The following CLMP variants were observed in gnomAD, a reference collection of about 807,000 sequenced individuals.
The protein encoded by CLMP is CXADR like cell adhesion molecule, also known as CXADR-like membrane protein.
CLMP carries 27 observed loss-of-function variants against 45.2 expected under a neutral mutation model. The ratio of observed to expected loss-of-function variants is 0.60; its 90% CI spans 0.44 to 0.82. The LOEUF (loss-of-function observed/expected upper bound fraction) is 0.82, where lower values mean the gene tolerates loss of function less well. CLMP is among the 40% of genes least tolerant of loss of function. The probability of loss-of-function intolerance (pLI) is 0.00; values close to 1 mark genes in which losing one functional copy is unlikely to be tolerated. For synonymous variants in CLMP, 167 were observed against 171.4 expected (o/e 0.97, Z 0.20); for missense variants, 403 against 448.4 (o/e 0.90, Z 0.91).
intron 1 of CLMP, among the ~76,000 whole-genome samples, chr11:123,173,441 T>A (rs1468633750): frequency 6.6e-6 from 1 of 152,218 alleles, no homozygotes; most frequent in Non-Finnish European, 1.5e-5. Context: ...CCGACATTCC[T>A]TTTTATACAT....
At chr11:123,193,262 A>G (rs976097394) in intron 1 of CLMP, among the ~76,000 whole-genome samples, 1 of 152,260 alleles carries the variant, frequency 6.6e-6, no homozygotes. Context: ...CTTCATCTGT[A>G]AAATGAGGGT....
chr11:123,188,704 A>C (rs1287138828), intron 1 of CLMP: 1 of 152,234 alleles, frequency 6.6e-6, no homozygotes, highest in African/African-American at 2.4e-5. Flanking sequence ...GAGGCTCCAC[A>C]CACAGTGACC....
At chr11:123,083,960 A>G (rs1865834352) in intron 3 of CLMP, 113 bp from the exon 4 acceptor site, 3 of 1,227,344 alleles carry the variant, frequency 2.4e-6, no homozygotes, top group African/African-American at 1.5e-5. Flanking sequence ...TGTTTTGGTC[A>G]ACTTTTGAGT....
At chr11:123,136,444 C>G (rs1254081112) in intron 1 of CLMP, 2 of 413,714 alleles carry the variant, frequency 4.8e-6, no homozygotes. Context: ...CTTGTCCCCC[C>G]CCACCCCACC....
In CLMP at chr11:123,097,822, G is replaced by T. The variant is rs748245441; in HGVS notation, c.159C>A (p.Leu53=). 50 of 1,601,512 alleles carry T rather than the reference G, an allele frequency of 3.1e-5. No homozygotes were observed. The highest frequency in any genetic ancestry group is 4.2e-5 in the Non-Finnish European group (49 of 1,173,994). Residue 53 remains leucine, a synonymous_variant, in exon 2 of 7, where the codon CTC becomes CTA. Transcript: ENST00000448775. ...CTTTTTGGTTCCCTTCATTATCGGT[G>T]AGCAGCCATTCAATATCCAGAGTGT... ...EKDTLDIEWL[L]TDNEGNQKVV...
At chr11:123,090,371 G>A (rs893505266) in intron 2 of CLMP, among the ~76,000 whole-genome samples, 3 of 151,158 alleles carry the variant, frequency 2.0e-5, no homozygotes, top group Non-Finnish European at 4.4e-5. Flanking sequence ...GCGGTGAGCC[G>A]AGATTGTGTC....
intron 1 of CLMP, among the ~76,000 whole-genome samples, chr11:123,140,429 G>T (rs928833612): frequency 6.6e-6 from 1 of 152,138 alleles, no homozygotes; most frequent in African/African-American, 2.4e-5. Context: ...TCTTATATTT[G>T]TTGCTAATGG....
chr11:123,126,883 C>T (rs912013134), intron 1 of CLMP, among the ~76,000 whole-genome samples: 2 of 149,866 alleles, frequency 1.3e-5, no homozygotes, highest in South Asian at 2.1e-4. Flanking sequence ...GGCGAGAGTG[C>T]GAGACTCCAT....
chr11:123,188,242 A>G (rs1379082662), intron 1 of CLMP, among the ~76,000 whole-genome samples: 1 of 152,180 alleles, frequency 6.6e-6, no homozygotes, highest in Non-Finnish European at 1.5e-5. Flanking sequence ...GTGTGCCTGA[A>G]GTAGGAAATG....
chr11:123,138,301 C>T (rs920875494), intron 1 of CLMP, among the ~76,000 whole-genome samples: 4 of 152,020 alleles, frequency 2.6e-5, no homozygotes, highest in Non-Finnish European at 4.4e-5. Flanking sequence ...TTCACCTATT[C>T]CCATCAAGCC....
chr11:123,094,528 C>T (rs1565380605), intron 2 of CLMP, among the ~76,000 whole-genome samples: 1 of 152,134 alleles, frequency 6.6e-6, no homozygotes, highest in Non-Finnish European at 1.5e-5. Context: ...TAAAATGGGC[C>T]CATTAATCCT....
At chr11:123,136,355 T>C in intron 1 of CLMP, 1 of 571,550 alleles carries the variant, frequency 1.7e-6, no homozygotes, top group South Asian at 1.6e-5. Flanking sequence ...CTCACTTTCA[T>C]ATTCTTGGGG....
intron 1 of CLMP, among the ~76,000 whole-genome samples, chr11:123,119,754 T>C (rs892916338): frequency 3.9e-5 from 6 of 152,136 alleles, no homozygotes; most frequent in Admixed American, 3.3e-4. Flanking sequence ...CGGTGCAATG[T>C]CTGCTCACAG....
intron 1 of CLMP, among the ~76,000 whole-genome samples, chr11:123,191,018 C>G (rs1199390338): frequency 6.6e-6 from 1 of 152,060 alleles, no homozygotes; most frequent in African/African-American, 2.4e-5. Context: ...ACTTGGGTTC[C>G]AAGGAAAAGT....
At chr11:123,107,914 G>A (rs994720912) in intron 1 of CLMP, among the ~76,000 whole-genome samples, 2 of 152,032 alleles carry the variant, frequency 1.3e-5, no homozygotes, top group African/African-American at 4.8e-5. Flanking sequence ...CACAACAACA[G>A]CCATCTTAGC....
intron 1 of CLMP, among the ~76,000 whole-genome samples, chr11:123,150,251 T>A (rs1278825388): frequency 6.6e-6 from 1 of 150,574 alleles, no homozygotes; most frequent in Non-Finnish European, 1.5e-5. Flanking sequence ...CATAGAGGGC[T>A]GTGACAGGTG....
At chr11:123,114,873 G>A (rs115696189) in intron 1 of CLMP, among the ~76,000 whole-genome samples, 3,661 of 152,098 alleles carry the variant, frequency 0.024, 153 homozygotes, top group African/African-American at 0.083. Context: ...GCCCAAGATC[G>A]CACAGATTAC....
chr11:123,194,174 G>A (rs1861946846), intron 1 of CLMP, among the ~76,000 whole-genome samples: 1 of 152,008 alleles, frequency 6.6e-6, no homozygotes, highest in African/African-American at 2.4e-5. Context: ...CCCCAGGAAG[G>A]GACGCTCAGG....
chr11:123,079,272 A>G (rs1865774622), intron 5 of CLMP, among the ~76,000 whole-genome samples: 1 of 152,210 alleles, frequency 6.6e-6, no homozygotes, highest in African/African-American at 2.4e-5. Context: ...CTGTTTCCTC[A>G]TAACCTTTCT....
Sources: allele counts gnomAD v4.1 joint callset (sites outside exome capture counted in the v4.1 genomes callset), GRCh38; gene constraint gnomAD v4.1.1; transcripts MANE v1.5; gene names NCBI Gene and HGNC (gene_info 2026-07-23, HGNC 2026-07-21).